The following SPMIP11 variants were observed in gnomAD, a reference collection of about 807,000 sequenced individuals.
SPMIP11 encodes the protein long intergenic non-protein coding RNA 935.
chr12:48,736,206 C>T, the SPMIP11 span: 5 of 370,112 alleles, frequency 1.4e-5, no homozygotes, highest in Non-Finnish European at 2.6e-5. Context: ...GAATTAGAGA[C>T]CAGGATGAAC....
chr12:48,742,432 C>G, the SPMIP11 span, among the ~76,000 whole-genome samples: 3 of 151,860 alleles, frequency 2.0e-5, no homozygotes, highest in South Asian at 4.2e-4. Flanking sequence ...CAGGCGCCTG[C>G]CACCACACCC....
At chr12:48,744,997 G>A in the SPMIP11 span, among the ~76,000 whole-genome samples, 1 of 152,058 alleles carries the variant, frequency 6.6e-6, no homozygotes, top group Non-Finnish European at 1.5e-5. Context: ...GAGGCCGGGC[G>A]TGGTGGCTCA....
chr12:48,732,191 T>A, the SPMIP11 span, among the ~76,000 whole-genome samples: 1 of 151,228 alleles, frequency 6.6e-6, no homozygotes, highest in Non-Finnish European at 1.5e-5. Context: ...CCCATTGGAG[T>A]TATTGTTGAA....
the SPMIP11 span, among the ~76,000 whole-genome samples, chr12:48,730,433 C>T: frequency 6.6e-6 from 1 of 152,156 alleles, no homozygotes; most frequent in Non-Finnish European, 1.5e-5. Flanking sequence ...TTTATACCCT[C>T]CAGTTACTCT....
the SPMIP11 span, among the ~76,000 whole-genome samples, chr12:48,737,151 A>T: frequency 1.3e-5 from 2 of 151,892 alleles, no homozygotes; most frequent in African/African-American, 2.4e-5. Context: ...GGGTCTTGCC[A>T]TGTTGCCCAG....
At chr12:48,746,261 GA>G in the SPMIP11 span, among the ~76,000 whole-genome samples, 1 of 151,176 alleles carries the variant, frequency 6.6e-6, no homozygotes, top group African/African-American at 2.4e-5. Flanking sequence ...TAAAAATCCA[GA>G]GATTTTATGT....
the SPMIP11 span, among the ~76,000 whole-genome samples, chr12:48,754,727 G>A: frequency 6.6e-6 from 1 of 151,848 alleles, no homozygotes; most frequent in Non-Finnish European, 1.5e-5. Flanking sequence ...TGGGATTACA[G>A]GCGTGAGCCA....
At chr12:48,749,683 GTTC>G in the SPMIP11 span, among the ~76,000 whole-genome samples, 7 of 129,760 alleles carry the variant, frequency 5.4e-5, no homozygotes, top group East Asian at 2.0e-4. Flanking sequence ...TCTGTCTCTG[GTTC>G]TTCTTCTTCT....
At chr12:48,765,910 T>G in the SPMIP11 span, 1 of 468,232 alleles carries the variant, frequency 2.1e-6, no homozygotes. Context: ...GAGTGAGAGG[T>G]CTGTGAGGGG....
At chr12:48,765,736 GCTGA>G in the SPMIP11 span, 12 of 698,234 alleles carry the variant, frequency 1.7e-5, no homozygotes, top group South Asian at 1.6e-4. Flanking sequence ...AGTTCCGATG[GCTGA>G]CTAATGGGAG....
At chr12:48,733,275 A>G in the SPMIP11 span, among the ~76,000 whole-genome samples, 1 of 151,734 alleles carries the variant, frequency 6.6e-6, no homozygotes, top group African/African-American at 2.4e-5. Flanking sequence ...AGGTTTCACC[A>G]TGTTGGCCAG....
chr12:48,763,245 C>A, the SPMIP11 span, among the ~76,000 whole-genome samples: 1 of 152,220 alleles, frequency 6.6e-6, no homozygotes, highest in Non-Finnish European at 1.5e-5. Context: ...TCATGGCTCA[C>A]TGCAGCCTCA....
chr12:48,743,742 G>A, the SPMIP11 span, among the ~76,000 whole-genome samples: 1 of 151,974 alleles, frequency 6.6e-6, no homozygotes. Context: ...AGGAGTTCAA[G>A]ACCAACATGG....
At chr12:48,736,887 T>C in the SPMIP11 span, among the ~76,000 whole-genome samples, 1 of 152,060 alleles carries the variant, frequency 6.6e-6, no homozygotes, top group East Asian at 1.9e-4. Flanking sequence ...TGAAGCTATG[T>C]TTTTATTGTC....
chr12:48,747,953 A>G, the SPMIP11 span, among the ~76,000 whole-genome samples: 1 of 152,206 alleles, frequency 6.6e-6, no homozygotes, highest in Non-Finnish European at 1.5e-5. Context: ...TAGAGTGATG[A>G]GTACCATAAC....
the SPMIP11 span, among the ~76,000 whole-genome samples, chr12:48,749,668 T>C: frequency 6.8e-6 from 1 of 147,020 alleles, no homozygotes; most frequent in African/African-American, 2.5e-5. Context: ...AAAAGAGTTG[T>C]TTTTTCTGTC....
chr12:48,736,008 C>T, the SPMIP11 span: 2 of 407,246 alleles, frequency 4.9e-6, no homozygotes, highest in Non-Finnish European at 9.7e-6. Context: ...GTCTTGTAGT[C>T]TTACAACTAT....
chr12:48,770,997 T>A, the SPMIP11 span: 5 of 1,607,256 alleles, frequency 3.1e-6, no homozygotes, highest in South Asian at 5.5e-5. Flanking sequence ...GACCTGGCTG[T>A]CAAGGCAAAG....
At chr12:48,761,773 G>T in the SPMIP11 span, among the ~76,000 whole-genome samples, 18 of 130,448 alleles carry the variant, frequency 1.4e-4, no homozygotes, top group Non-Finnish European at 2.3e-4. Context: ...TGCCCAGGCT[G>T]AGTACAATGG....
Sources: gnomAD v4.1 joint callset for allele counts (sites outside exome capture counted in the v4.1 genomes callset) on GRCh38, gnomAD v4.1.1 for gene constraint, MANE v1.5 for transcripts, NCBI Gene and HGNC (gene_info 2026-07-23, HGNC 2026-07-21) for gene names.